Variants in DAGLB observed in about 807,000 individuals in gnomAD.
The protein encoded by DAGLB is diacylglycerol lipase beta.
Under a neutral mutation model 72.1 loss-of-function variants are expected in DAGLB, and 66 were observed. That is an observed-to-expected ratio of 0.92 (90% CI 0.75 to 1.12). The LOEUF is 1.12. DAGLB is among the 50% of genes most tolerant of loss of function. The pLI, the probability that DAGLB is intolerant of heterozygous loss-of-function variation, is 0.00. For synonymous variants in DAGLB, 414 were observed against 359.5 expected, an observed-to-expected ratio of 1.15 and a Z score of -1.71; for missense variants, 1,065 against 884.9, an observed-to-expected ratio of 1.20 and a Z score of -2.58.
chr7:6,438,286 C>A (rs1050429384), intron 2 of DAGLB, among the ~76,000 whole-genome samples: 3 of 151,966 alleles, frequency 2.0e-5, no homozygotes, highest in Admixed American at 2.0e-4. Flanking sequence ...ACCAACATGG[C>A]ACATGTACAC....
intron 11 of DAGLB, among the ~76,000 whole-genome samples, chr7:6,414,095 C>A (rs1783824925): frequency 1.3e-5 from 2 of 152,222 alleles, no homozygotes; most frequent in Admixed American, 1.3e-4. Flanking sequence ...ACTGCAACCT[C>A]CATCTCCCAG....
intron 9 of DAGLB, among the ~76,000 whole-genome samples, chr7:6,420,312 C>A (rs372174275): frequency 6.6e-6 from 1 of 151,786 alleles, no homozygotes; most frequent in Non-Finnish European, 1.5e-5. Flanking sequence ...TGGTGACGTG[C>A]GCCTGTAGTC....
At chr7:6,438,633 G>A (rs1784737323) in intron 2 of DAGLB, among the ~76,000 whole-genome samples, 1 of 152,148 alleles carries the variant, frequency 6.6e-6, no homozygotes, top group Non-Finnish European at 1.5e-5. Context: ...AATGTCAGCA[G>A]CACCTGGACT....
At chr7:6,410,433 A>T in intron 13 of DAGLB, 53 bp from the exon 14 acceptor site, 1 of 1,544,928 alleles carries the variant, frequency 6.5e-7, no homozygotes, top group Non-Finnish European at 8.8e-7. Flanking sequence ...CTGTCACCCG[A>T]GACCTCCCGA....
At chr7:6,429,055 C>T (rs563067678) in intron 6 of DAGLB, among the ~76,000 whole-genome samples, 16 of 152,168 alleles carry the variant, frequency 1.1e-4, no homozygotes, top group Non-Finnish European at 1.6e-4. Context: ...CCGCTGGCCT[C>T]GACCTCCCAA....
rs1784453278 is a variant in DAGLB at position 6,430,563 on chromosome 7, C to T, written c.846G>A (p.Met282Ile). The T allele has an allele frequency of 6.2e-7, 1 of 1,604,186 alleles. No homozygotes were observed. Among genetic ancestry groups the T allele is most frequent in the Admixed American group, 1.7e-5 (1 of 59,376 alleles). Residue 282 changes from methionine (M) to isoleucine (I), a missense_variant, in exon 6 of 15, where the codon ATG becomes ATA. Coordinates refer to ENST00000297056, the MANE Select transcript of DAGLB (RefSeq NM_139179.4). ...ACCCATAGGCCGCTGCTGCAAACTGCATGTAATGATGGCAGTTTTCTAATT... is the reference window on the plus strand; with the variant it reads ...ACCCATAGGCCGCTGCTGCAAACTGTATGTAATGATGGCAGTTTTCTAATT... ...DAELENCHHYMQFAAAAYGWP... is the reference protein window; with the variant it reads ...DAELENCHHYIQFAAAAYGWP...
Position 6,446,009 on chromosome 7 carries a change from A to G in DAGLB, c.191T>C (p.Ile64Thr). ...LLSSYLIVLM[I>T]LLAVVICTVS... ...AGTACATATGACAACTGCCAGGAGA[A>G]TCATGAGGACGATCAAGTAACTGCT... Residue 64 changes from isoleucine (I) to threonine (T), a missense_variant, in exon 2 of 15, where the codon ATT becomes ACT. Physicochemically the swap from Ile to Thr is moderately conservative, Grantham distance 89. Coordinates refer to ENST00000297056, the MANE Select transcript of DAGLB (RefSeq NM_139179.4). The G allele has an allele frequency of 6.2e-7, 1 of 1,613,916 alleles. No homozygotes were observed.
In DAGLB at chr7:6,416,714, C is replaced by G. The variant is rs1348947538; in HGVS notation, c.1340G>C (p.Gly447Ala). Residue 447 changes from glycine to alanine, a missense_variant, in exon 11 of 15, where the codon GGG becomes GCG. Coordinates refer to ENST00000297056, the MANE Select transcript of DAGLB (RefSeq NM_139179.4). ...CATGGTGGCCAGCAGGGCGGCCGCCCCGCCCCCGAGGCTGTGGCCCACTAT... is the reference window on the plus strand; with the variant it reads ...CATGGTGGCCAGCAGGGCGGCCGCCGCGCCCCCGAGGCTGTGGCCCACTAT... ...LVIVGHSLGG[G>A]AAALLATMLR... is the part of the protein sequence containing the mutation. The G allele has an allele frequency of 6.2e-7, 1 of 1,613,658 alleles. No individual in the cohort carries two copies. Among genetic ancestry groups the G allele is most frequent in the Non-Finnish European group, 8.5e-7 (1 of 1,179,776 alleles).
At chr7:6,442,261 G>T (rs1784859313) in intron 2 of DAGLB, among the ~76,000 whole-genome samples, 1 of 152,086 alleles carries the variant, frequency 6.6e-6, no homozygotes, top group South Asian at 2.1e-4. Flanking sequence ...GGAGGCTGTG[G>T]GATAGACAAC....
At chr7:6,428,783 G>A (rs1455785483) in intron 6 of DAGLB, among the ~76,000 whole-genome samples, 4 of 152,014 alleles carry the variant, frequency 2.6e-5, no homozygotes, top group African/African-American at 9.7e-5. Context: ...CACTGCACCT[G>A]GTGGGATATA....
chr7:6,421,888 T>G, intron 8 of DAGLB, 84 bp from the exon 9 acceptor site: 1 of 1,449,618 alleles, frequency 6.9e-7, no homozygotes, highest in Non-Finnish European at 9.5e-7. Flanking sequence ...CTCCTGACAC[T>G]TCTGTGGAGG....
In DAGLB at chr7:6,417,339, G is replaced by A. The variant is rs371588639; in HGVS notation, c.1219-418C>T. The A allele has an allele frequency of 5.2e-3, 836 of 159,582 alleles. 7 individuals carry two copies. Among genetic ancestry groups the A allele is most frequent in the African/African-American group, 0.019 (809 of 41,496 alleles). The allele number at this position is 159,582 out of a possible 1,614,324, so 9.9% of individuals were successfully genotyped here. ...CTCGGGAGGCTGAGGTGGGAGGGTC[G>A]CTGGAACACATGAAGTTCAGGCTGC... On this transcript the variant is annotated intron_variant, in intron 9 of 14. Transcript: ENST00000297056.
At chr7:6,436,078 T>C (rs531347160) in intron 3 of DAGLB, among the ~76,000 whole-genome samples, 2 of 144,328 alleles carry the variant, frequency 1.4e-5, no homozygotes, top group East Asian at 2.0e-4. Context: ...TAAAAGACTT[T>C]AAGAAAAAAA....
At chr7:6,447,332 T>A (rs1286713012) in intron 1 of DAGLB, among the ~76,000 whole-genome samples, 2 of 152,132 alleles carry the variant, frequency 1.3e-5, no homozygotes, top group African/African-American at 4.8e-5. Context: ...TGTTGCAGAT[T>A]CAAGTGCCCC....
intron 2 of DAGLB, among the ~76,000 whole-genome samples, chr7:6,442,728 C>T (rs998274524): frequency 6.6e-6 from 1 of 152,196 alleles, no homozygotes; most frequent in African/African-American, 2.4e-5. Context: ...ATCCAGCCTC[C>T]TTGCGTGGAT....
Position 6,410,390 on chromosome 7 carries a change from A to T in DAGLB, c.1570-10T>A. On this transcript the variant is annotated splice_polypyrimidine_tract_variant and intron_variant, in intron 13 of 14. Coordinates refer to ENST00000297056, the MANE Select transcript of DAGLB (RefSeq NM_139179.4). ...GCAGCAAGATCTTGTACTGAGGGCG[A>T]GACCCAATCAGTAGAATGCTGTCAC... The T allele has an allele frequency of 1.3e-6, 2 of 1,598,666 alleles. No homozygotes were observed. Among genetic ancestry groups the T allele is most frequent in the Non-Finnish European group, 1.7e-6 (2 of 1,170,586 alleles).
chr7:6,430,389 G>A, intron 6 of DAGLB, 91 bp downstream of exon 6: 2 of 1,366,946 alleles, frequency 1.5e-6, no homozygotes, highest in African/African-American at 1.5e-5. Context: ...GGAGTTCTTT[G>A]CACTGTTCTT....
intron 3 of DAGLB, 99 bp downstream of exon 3, chr7:6,436,263 G>T: frequency 7.0e-7 from 1 of 1,425,274 alleles, no homozygotes. Context: ...AACTATTTGA[G>T]GAAGTCCGAG....
chr7:6,427,537 AGTCCC>A (rs1784350827), intron 6 of DAGLB, among the ~76,000 whole-genome samples: 1 of 152,188 alleles, frequency 6.6e-6, no homozygotes, highest in Non-Finnish European at 1.5e-5. Flanking sequence ...GCATGCCTGT[AGTCCC>A]AGCTACTTGG....
Sources: allele counts gnomAD v4.1 joint callset (sites outside exome capture counted in the v4.1 genomes callset), GRCh38; gene constraint gnomAD v4.1.1; transcripts MANE v1.5; gene names NCBI Gene and HGNC (gene_info 2026-07-23, HGNC 2026-07-21).